The following CCT8 variants were observed in gnomAD, a reference collection of about 807,000 sequenced individuals.
The protein encoded by CCT8 is chaperonin containing TCP1 subunit 8, also known as T-complex protein 1 subunit theta.
A neutral mutation model predicts 65.7 loss-of-function variants in CCT8; 10 were observed. The ratio of observed to expected loss-of-function variants is 0.15; its 90% CI spans 0.09 to 0.26. The LOEUF (loss-of-function observed/expected upper bound fraction) is 0.26. Among genes scored for constraint, CCT8 ranks in the 10% least tolerant of loss-of-function variants. The pLI is 1.00. For synonymous variants in CCT8, 199 were observed against 221.8 expected, an observed-to-expected ratio of 0.90 and a Z score of 0.92; for missense variants, 568 against 669.1, an observed-to-expected ratio of 0.85 and a Z score of 1.67.
At chr21:29,064,702 T>C (rs947475881) in intron 7 of CCT8, among the ~76,000 whole-genome samples, 5 of 152,214 alleles carry the variant, frequency 3.3e-5, no homozygotes, top group African/African-American at 1.2e-4. Flanking sequence ...ACTCACATTC[T>C]CATATTCTTT....
At position 29,073,618 on chromosome 21, in the gene CCT8, G is replaced by T. The variant is rs370503716; in HGVS notation, c.-28C>A. ...CCAGCCTGCAGGAAGCAGTTCACGC[G>T]ACCGCTCGGAAGACCGCGGAGGAAG... On this transcript the variant is annotated 5_prime_UTR_variant, in exon 1 of 15. Transcript: ENST00000286788. The T allele has an allele frequency of 9.4e-5, 151 of 1,610,576 alleles. No individual in the cohort carries two copies. Among genetic ancestry groups the T allele is most frequent in the African/African-American group, 3.7e-4 (28 of 74,888 alleles).
At chr21:29,071,808 T>C (rs2085683066) in intron 1 of CCT8, 2 of 603,602 alleles carry the variant, frequency 3.3e-6, no homozygotes, top group Admixed American at 2.9e-5. Context: ...TGTGAGAAAC[T>C]ACCATTTGAT....
chr21:29,061,994 A>T lies in CCT8; in HGVS notation c.1212+134T>A, dbSNP rs144056321. On this transcript the variant is annotated intron_variant, in intron 11 of 14. Coordinates refer to ENST00000286788, the MANE Select transcript of CCT8 (RefSeq NM_006585.4). ...ACACTTAAGTCTTAGGTAAAAACAA[A>T]AACAGGTGCTTCATTTCATATAAAC... is the stretch of plus-strand genomic sequence containing the variant. 3.8e-4 allele frequency: 247 copies of T among 649,322 alleles called. 2 individuals carry two copies. The African/African-American group carries it at 3.9e-3, about 10-fold the overall frequency. 40.2% of individuals were successfully genotyped at this position (649,322 alleles called of 1,614,324 possible).
At chr21:29,064,409 T>TAAAAAAAAAAAA (rs34760776) in intron 7 of CCT8, among the ~76,000 whole-genome samples, 6 of 26,714 alleles carry the variant, frequency 2.2e-4, no homozygotes, top group Admixed American at 6.1e-4. Context: ...AGCAAGACTC[T>TAAAAAAAAAAAA]AAAAAAAAAA....
At chr21:29,066,610 C>A (rs2085625154) in intron 6 of CCT8, 106 bp downstream of exon 6, 1 of 643,832 alleles carries the variant, frequency 1.6e-6, no homozygotes, top group South Asian at 2.2e-5. Flanking sequence ...CATGAAGTAA[C>A]ATTTAGGTTT....
Position 29,067,682 on chromosome 21 carries a change from C to A in CCT8, c.255G>T (p.Met85Ile). The change falls in exon 4 of 15, where the codon ATG becomes ATT. Residue 85 changes from methionine to isoleucine, a missense_variant. Physicochemically the swap from Met to Ile is conservative, Grantham distance 10 (BLOSUM62 1). Coordinates refer to ENST00000286788, the MANE Select transcript of CCT8 (RefSeq NM_006585.4). ...ELEVQHPAAK[M>I]IVMASHMQEQ... is the part of the protein sequence containing the mutation. ...CTTGCATATGAGAAGCCATTACAAT[C>A]ATTTTTGCAGCAGGATGCTGTACCT... The A allele has an allele frequency of 7.3e-7, 1 of 1,362,248 alleles. No homozygotes were observed. Among genetic ancestry groups the A allele is most frequent in the Non-Finnish European group, 9.5e-7 (1 of 1,050,576 alleles). The allele number at this position is 1,362,248 out of a possible 1,614,324, so 84.4% of individuals were successfully genotyped here.
intron 13 of CCT8, 100 bp downstream of exon 13, chr21:29,061,153 A>G: frequency 1.0e-6 from 1 of 967,096 alleles, no homozygotes; most frequent in Non-Finnish European, 1.6e-6. Context: ...CTCCCAAATC[A>G]GAACACTGTT....
chr21:29,060,844 G>A (rs566860525), intron 13 of CCT8, among the ~76,000 whole-genome samples, 184 bp from the exon 14 acceptor site: 1 of 152,302 alleles, frequency 6.6e-6, no homozygotes, highest in East Asian at 1.9e-4. Flanking sequence ...GCCAAAATCT[G>A]TGGATGCTCA....
At chr21:29,065,155 A>C in intron 6 of CCT8, 50 bp from the exon 7 acceptor site, 1 of 1,584,986 alleles carries the variant, frequency 6.3e-7, no homozygotes, top group Non-Finnish European at 8.6e-7. Flanking sequence ...AAATAACATT[A>C]CGGTCAAACT....
intron 7 of CCT8, 96 bp from the exon 8 acceptor site, chr21:29,063,626 C>CA (rs957893366): frequency 5.9e-6 from 7 of 1,180,196 alleles, no homozygotes; most frequent in Admixed American, 2.1e-5. Context: ...AAAGGTTTGG[C>CA]AAAAAAATAT....
Position 29,061,476 on chromosome 21 carries a change from T to G in CCT8, c.1284+20A>C, listed in dbSNP as rs367948039. 2.5e-5 allele frequency: 41 copies of G among 1,613,612 alleles called. No homozygotes were observed. Among genetic ancestry groups the G allele is most frequent in the African/African-American group, 6.7e-5 (5 of 74,886 alleles). On this transcript the variant is annotated intron_variant, in intron 12 of 14. Coordinates refer to ENST00000286788, the MANE Select transcript of CCT8 (RefSeq NM_006585.4). ...TTCAAGCAATGGAAAGAAAGTCAATTTATACAGAAAAAGCTGTACCTCTCC... is the reference window on the plus strand; with the variant it reads ...TTCAAGCAATGGAAAGAAAGTCAATGTATACAGAAAAAGCTGTACCTCTCC...
At chr21:29,057,286 C>G (rs2085508658) in intron 14 of CCT8, among the ~76,000 whole-genome samples, 1 of 151,670 alleles carries the variant, frequency 6.6e-6, no homozygotes, top group African/African-American at 2.4e-5. Flanking sequence ...ATTCTCCTGC[C>G]TCAGCCTCCT....
rs762377991 is a variant in CCT8 at position 29,056,504 on chromosome 21, T to C, written c.1618A>G (p.Lys540Glu). The C allele has an allele frequency of 1.5e-5, 23 of 1,542,378 alleles. No homozygotes were observed. The Admixed American group carries it at 3.6e-4, about 24-fold the overall frequency. Residue 540 changes from lysine (K) to glutamate (E), a missense_variant, in exon 15 of 15, where the codon AAA (lysine) becomes GAA (glutamate). Lys to Glu is a moderately conservative substitution (Grantham distance 56). Coordinates refer to ENST00000286788, the MANE Select transcript of CCT8 (RefSeq NM_006585.4). ...TCATTTTGGTCATCATCCCAGTCTTTCTTCCCACTTGGAGGCTTGGGCCCA... is the reference window on the plus strand; with the variant it reads ...TCATTTTGGTCATCATCCCAGTCTTCCTTCCCACTTGGAGGCTTGGGCCCA... Reference protein sequence around the residue: ...AGGPKPPSGKKDWDDDQND With the variant: ...AGGPKPPSGKEDWDDDQND
At chr21:29,067,747 A>C in intron 3 of CCT8, 42 bp from the exon 4 acceptor site, 1 of 1,314,380 alleles carries the variant, frequency 7.6e-7, no homozygotes, top group African/African-American at 1.5e-5. Flanking sequence ...CTGATCCTTA[A>C]AGCAACATAA....
chr21:29,069,285 G>A (rs2085656927), intron 3 of CCT8, 138 bp downstream of exon 3: 1 of 483,110 alleles, frequency 2.1e-6, no homozygotes, highest in Non-Finnish European at 3.7e-6. Context: ...TTTATAATTA[G>A]AACAATCTGT....
In CCT8 at chr21:29,073,232, C is replaced by T; in HGVS notation, c.60+299G>A. The T allele has an allele frequency of 4.7e-6, 6 of 1,281,136 alleles. No individual in the cohort carries two copies. The South Asian group carries it at 1.1e-4, about 23-fold the overall frequency. The allele number at this position is 1,281,136 out of a possible 1,614,324, so 79.4% of individuals were successfully genotyped here. A position where few individuals can be genotyped will look rare whatever the true frequency, so the allele number is the denominator to read the frequency against. ...TCCTTTAAGGGTGACGGGCCTTAGC[C>T]CCATTTACGGATGGAGGCAAAACGC... On this transcript the variant is annotated intron_variant, in intron 1 of 14. Coordinates refer to ENST00000286788, the MANE Select transcript of CCT8 (RefSeq NM_006585.4).
intron 2 of CCT8, 135 bp downstream of exon 2, chr21:29,070,112 T>C (rs1046112463): frequency 2.1e-6 from 1 of 486,514 alleles, no homozygotes; most frequent in East Asian, 3.3e-5. Flanking sequence ...AACTAAAAAT[T>C]GGAAATGAAC....
chr21:29,062,652 G>A, intron 8 of CCT8, 96 bp from the exon 9 acceptor site: 3 of 893,228 alleles, frequency 3.4e-6, no homozygotes, highest in Non-Finnish European at 5.2e-6. Context: ...CAGCCCCCAT[G>A]TCACATTCCT....
rs1300426551 is a variant in CCT8 at position 29,063,468 on chromosome 21, G to A, written c.825C>T (p.Leu275=). The change falls in exon 8 of 15, where the codon CTC becomes CTT. Residue 275 remains leucine, a synonymous_variant. Transcript: ENST00000286788. ...CAATAGCTTTGACTTGTGCATCCAT[G>A]AGGTTTTCTTCTCCCTTACTAAAAT... ...LMNFSKGEEN[L]MDAQVKAIAD... is the part of the protein sequence containing the mutation. The A allele has an allele frequency of 3.1e-6, 5 of 1,613,894 alleles. No homozygotes were observed. The Admixed American group carries it at 6.7e-5, about 22-fold the overall frequency.
Sources: allele counts gnomAD v4.1 joint callset (sites outside exome capture counted in the v4.1 genomes callset), GRCh38; gene constraint gnomAD v4.1.1; transcripts MANE v1.5; gene names NCBI Gene and HGNC (gene_info 2026-07-23, HGNC 2026-07-21).